Variants in ASB5 observed in about 807,000 individuals in gnomAD.
The protein encoded by ASB5 is ankyrin repeat and SOCS box protein 5.
A neutral mutation model predicts 42.1 loss-of-function variants in ASB5; 45 were observed. That is an observed-to-expected ratio of 1.07 (90% CI 0.84 to 1.37). The LOEUF (loss-of-function observed/expected upper bound fraction) is 1.37, where lower values mean the gene tolerates loss of function less well. Among genes scored for constraint, ASB5 ranks in the 40% most tolerant of loss-of-function variants. The pLI is 0.00. For synonymous variants in ASB5, 147 were observed against 150.6 expected, an observed-to-expected ratio of 0.98 and a Z score of 0.18; for missense variants, 402 against 399.8, an observed-to-expected ratio of 1.01 and a Z score of -0.05.
At chr4:176,262,082 T>A (rs939020019) in intron 1 of ASB5, among the ~76,000 whole-genome samples, 2 of 152,030 alleles carry the variant, frequency 1.3e-5, no homozygotes, top group Non-Finnish European at 2.9e-5. Context: ...GTTATGGCAA[T>A]GAATAAGAAA....
chr4:176,227,086 G>A (rs1174285215), intron 1 of ASB5, among the ~76,000 whole-genome samples: 1 of 152,252 alleles, frequency 6.6e-6, no homozygotes, highest in African/African-American at 2.4e-5. Context: ...AAGACAATGA[G>A]TGGTCATGGC....
Position 176,225,357 on chromosome 4 carries a change from AAAAG to A in ASB5, c.197-20_197-17del, listed in dbSNP as rs1337720020. The A allele has an allele frequency of 6.2e-7, 1 of 1,603,184 alleles. No individual in the cohort carries two copies. Among genetic ancestry groups the A allele is most frequent in the African/African-American group, 1.3e-5 (1 of 74,156 alleles). ...GCCCAGGAACCTGTCAAAAAAGAAA[AAAAG>A]AAAGAAAAGAAAACAAAAATCCAAG... On this transcript the variant is annotated splice_polypyrimidine_tract_variant and intron_variant, in intron 1 of 6. Transcript: ENST00000296525.
intron 1 of ASB5, among the ~76,000 whole-genome samples, chr4:176,243,155 A>C (rs1310705785): frequency 6.6e-6 from 1 of 152,212 alleles, no homozygotes; most frequent in Non-Finnish European, 1.5e-5. Flanking sequence ...TGGACTTTAT[A>C]ATATTAGTCA....
intron 1 of ASB5, among the ~76,000 whole-genome samples, chr4:176,240,514 C>T (rs1388517884): frequency 6.6e-6 from 1 of 152,174 alleles, no homozygotes; most frequent in Non-Finnish European, 1.5e-5. Flanking sequence ...CATGAAGACA[C>T]TTCTGCAGCA....
At chr4:176,226,831 T>C (rs548833680) in intron 1 of ASB5, among the ~76,000 whole-genome samples, 2 of 152,322 alleles carry the variant, frequency 1.3e-5, no homozygotes, top group Admixed American at 1.3e-4. Flanking sequence ...GGCTCTGCGG[T>C]GTAGGGGCTG....
At chr4:176,225,621 C>T (rs1753356073) in intron 1 of ASB5, among the ~76,000 whole-genome samples, 1 of 152,074 alleles carries the variant, frequency 6.6e-6, no homozygotes, top group Non-Finnish European at 1.5e-5. Context: ...GATGGAGTCT[C>T]GCCCTGTTGC....
chr4:176,275,986 G>A (rs559001854), intron 1 of ASB5: 3 of 152,222 alleles, frequency 2.0e-5, no homozygotes, highest in African/African-American at 7.2e-5. Context: ...TATGTGAAAA[G>A]GATACTACAT....
intron 1 of ASB5, among the ~76,000 whole-genome samples, chr4:176,243,878 C>T (rs976761326): frequency 6.6e-6 from 1 of 152,272 alleles, no homozygotes; most frequent in Admixed American, 6.5e-5. Flanking sequence ...CCCTTGGGCA[C>T]ATCTTTCTTG....
intron 1 of ASB5, among the ~76,000 whole-genome samples, chr4:176,246,295 G>A (rs182858639): frequency 1.3e-5 from 2 of 152,276 alleles, no homozygotes; most frequent in African/African-American, 2.4e-5. Flanking sequence ...GATGCTATTC[G>A]ATGAGATTTT....
At chr4:176,253,677 C>T (rs1171129665) in intron 1 of ASB5, among the ~76,000 whole-genome samples, 2 of 152,162 alleles carry the variant, frequency 1.3e-5, no homozygotes, top group African/African-American at 4.8e-5. Context: ...CTGATAAACA[C>T]CTTCAGTAAA....
intron 1 of ASB5, among the ~76,000 whole-genome samples, chr4:176,233,618 G>C (rs1753608997): frequency 6.6e-6 from 1 of 152,102 alleles, no homozygotes; most frequent in East Asian, 1.9e-4. Flanking sequence ...GTGCTTCTTT[G>C]AAAGGAGTCA....
intron 1 of ASB5, among the ~76,000 whole-genome samples, chr4:176,252,690 T>G (rs189926975): frequency 2.6e-4 from 39 of 152,346 alleles, no homozygotes; most frequent in African/African-American, 8.9e-4. Context: ...AAAGACAGAT[T>G]GCAATCCAAT....
At chr4:176,218,280 T>TATATATATATTTGTATGATATATAA (rs1187559424) in intron 5 of ASB5, among the ~76,000 whole-genome samples, 5 of 85,688 alleles carry the variant, frequency 5.8e-5, no homozygotes, top group African/African-American at 2.5e-4. Context: ...GATATATAAA[T>TATATATATATTTGTATGATATATAA]ATATATATAT....
At chr4:176,237,594 T>C (rs750762382) in intron 1 of ASB5, 48 of 984,654 alleles carry the variant, frequency 4.9e-5, no homozygotes, top group Non-Finnish European at 5.7e-5. Flanking sequence ...TCAGAAACAC[T>C]TGGATCAGGG....
upstream of ASB5, among the ~76,000 whole-genome samples, chr4:176,271,920 T>C (rs886984666): frequency 1.3e-5 from 2 of 152,046 alleles, no homozygotes; most frequent in Non-Finnish European, 2.9e-5. Context: ...ATACGACTCA[T>C]ACATACAGAG....
intron 1 of ASB5, among the ~76,000 whole-genome samples, chr4:176,256,893 C>T (rs954031682): frequency 2.6e-5 from 4 of 152,040 alleles, no homozygotes; most frequent in African/African-American, 9.7e-5. Context: ...GCCAATATCG[C>T]ACCACTGCAC....
At chr4:176,238,648 T>C (rs181086685) in intron 1 of ASB5, among the ~76,000 whole-genome samples, 1 of 152,204 alleles carries the variant, frequency 6.6e-6, no homozygotes, top group African/African-American at 2.4e-5. Context: ...GATTCTGTTA[T>C]CTATCTTTTT....
intron 2 of ASB5, among the ~76,000 whole-genome samples, chr4:176,223,068 G>A (rs572771419): frequency 1.3e-5 from 2 of 152,122 alleles, no homozygotes; most frequent in East Asian, 1.9e-4. Flanking sequence ...GTGAGCCACC[G>A]CGCCCGGCCA....
intron 2 of ASB5, 136 bp downstream of exon 2, chr4:176,225,126 A>G (rs1753339483): frequency 3.4e-6 from 2 of 591,344 alleles, no homozygotes; most frequent in Non-Finnish European, 5.9e-6. Flanking sequence ...GAAACTATTG[A>G]CTTCTCTGAC....
Sources: allele counts gnomAD v4.1 joint callset (sites outside exome capture counted in the v4.1 genomes callset), GRCh38; gene constraint gnomAD v4.1.1; transcripts MANE v1.5; gene names NCBI Gene and HGNC (gene_info 2026-07-23, HGNC 2026-07-21).